The following SEMA6D variants were observed in gnomAD, a reference collection of about 807,000 sequenced individuals.
The protein encoded by SEMA6D is semaphorin-6D.
A neutral mutation model predicts 106.6 loss-of-function variants in SEMA6D; 35 were observed. The ratio of observed to expected loss-of-function variants is 0.33; its 90% CI spans 0.25 to 0.44. SEMA6D has a LOEUF of 0.44. Among genes scored for constraint, SEMA6D ranks in the 20% least tolerant of loss-of-function variants. The probability of loss-of-function intolerance (pLI) is 1.00; values close to 1 mark genes in which losing one functional copy is unlikely to be tolerated. For missense variants in SEMA6D, 1,185 were observed against 1,345.9 expected, an observed-to-expected ratio of 0.88 and a Z score of 1.87; for synonymous variants, 499 against 487.7, an observed-to-expected ratio of 1.02 and a Z score of -0.31.
At position 47,772,626 on chromosome 15, in the gene SEMA6D, A is replaced by G. The variant is rs1467952108; in HGVS notation, c.*841A>G. 6.6e-6 allele frequency: 1 copy of G among 152,564 alleles called. No individual in the cohort carries two copies. Among genetic ancestry groups the G allele is most frequent in the Non-Finnish European group, 1.5e-5 (1 of 68,022 alleles). The allele number at this position is 152,564 out of a possible 1,614,324, so 9.5% of individuals were successfully genotyped here. ...TGCAAGTGATTTTGTGCTGCTATTC[A>G]TTAAAACTTGTATTCCAGTCTTGCC... On this transcript the variant is annotated 3_prime_UTR_variant, in exon 19 of 19. Coordinates refer to ENST00000536845, the MANE Select transcript of SEMA6D (RefSeq NM_001358351.3).
chr15:47,749,401 G>C (rs2081312610), intron 1 of SEMA6D, among the ~76,000 whole-genome samples: 1 of 152,104 alleles, frequency 6.6e-6, no homozygotes, highest in Admixed American at 6.6e-5. Flanking sequence ...ACTCTTGTCA[G>C]GCGCAAGGGG....
At chr15:47,409,425 T>C (rs2040707756) in intron 1 of SEMA6D, among the ~76,000 whole-genome samples, 1 of 152,196 alleles carries the variant, frequency 6.6e-6, no homozygotes, top group Admixed American at 6.5e-5. Flanking sequence ...AGTTGGAAAT[T>C]CTGGGTTCCA....
intron 2 of SEMA6D, among the ~76,000 whole-genome samples, chr15:47,428,779 T>C (rs1458239566): frequency 6.7e-6 from 1 of 150,342 alleles, no homozygotes; most frequent in Non-Finnish European, 1.5e-5. Flanking sequence ...AAAAAAAAAG[T>C]GGGTAAGATG....
chr15:47,595,484 T>C (rs534518957), intron 3 of SEMA6D, among the ~76,000 whole-genome samples: 1 of 151,898 alleles, frequency 6.6e-6, no homozygotes, highest in South Asian at 2.1e-4. Flanking sequence ...ACTAGTACTC[T>C]TGTTGTTGTT....
intron 3 of SEMA6D, among the ~76,000 whole-genome samples, chr15:47,545,978 G>A (rs913222112): frequency 4.6e-5 from 7 of 152,002 alleles, no homozygotes; most frequent in Admixed American, 1.3e-4. Flanking sequence ...AAAAGCATAG[G>A]GACATGAGAT....
chr15:47,739,663 T>G (rs1053100494), intron 1 of SEMA6D, among the ~76,000 whole-genome samples: 1 of 152,222 alleles, frequency 6.6e-6, no homozygotes, highest in Non-Finnish European at 1.5e-5. Flanking sequence ...GTGGTTGATT[T>G]AGGTGTCTCT....
Position 47,338,355 on chromosome 15 carries a change from C to G in SEMA6D, c.-238-74038C>G, listed in dbSNP as rs370554408. 2.0e-5 allele frequency among the ~76,000 whole-genome samples: 3 copies of G among 152,122 alleles called. No individual in the cohort carries two copies. The East Asian group carries it at 5.8e-4, about 29-fold the overall frequency. On this transcript the variant is annotated intron_variant, in intron 1 of 19. Transcript: ENST00000558014. The stretch of plus-strand genomic sequence containing the variant: ...CTGAAAGAGTGAAGTTATATGTTTG[C>G]TGAGACCACTTCTGTTTTTGGATGC...
Position 47,394,356 on chromosome 15 carries a change from G to A in SEMA6D, c.-238-18037G>A, listed in dbSNP as rs539982494. On this transcript the variant is annotated intron_variant, in intron 1 of 19. Coordinates refer to the SEMA6D transcript ENST00000558014. Reference sequence around the variant, plus strand: ...GAGCTGGGGACATTCAAACACTTGAGCAGTTTACAATGGTCTTTTCTCAAT... The same window carrying A: ...GAGCTGGGGACATTCAAACACTTGAACAGTTTACAATGGTCTTTTCTCAAT... 2.6e-5 allele frequency among the ~76,000 whole-genome samples: 4 copies of A among 152,300 alleles called. No homozygotes were observed. The East Asian group carries it at 5.8e-4, about 22-fold the overall frequency.
chr15:47,519,437 T>G (rs1767461075), intron 3 of SEMA6D, among the ~76,000 whole-genome samples: 1 of 152,202 alleles, frequency 6.6e-6, no homozygotes, highest in Non-Finnish European at 1.5e-5. Context: ...AGCATTACTG[T>G]AATTGTTTAT....
intron 1 of SEMA6D, among the ~76,000 whole-genome samples, chr15:47,401,445 A>G (rs1050630814): frequency 1.3e-5 from 2 of 152,198 alleles, no homozygotes; most frequent in South Asian, 2.1e-4. Context: ...AAAATTATCT[A>G]CAATAATAAA....
chr15:47,668,096 A>G (rs1274030632), intron 4 of SEMA6D, among the ~76,000 whole-genome samples: 2 of 152,244 alleles, frequency 1.3e-5, no homozygotes, highest in Non-Finnish European at 2.9e-5. Context: ...TGGAAAAATG[A>G]ATGCCTTAGA....
intron 1 of SEMA6D, among the ~76,000 whole-genome samples, chr15:47,377,488 A>G (rs781025397): frequency 2.0e-5 from 3 of 152,232 alleles, no homozygotes; most frequent in Non-Finnish European, 2.9e-5. Context: ...GGAGACACGT[A>G]TCAGAGCCCA....
At chr15:47,336,273 A>G (rs1425514201) in intron 1 of SEMA6D, among the ~76,000 whole-genome samples, 1 of 152,146 alleles carries the variant, frequency 6.6e-6, no homozygotes, top group Non-Finnish European at 1.5e-5. Context: ...TCCCCTACCT[A>G]ACACTGTAAA....
intron 2 of SEMA6D, among the ~76,000 whole-genome samples, chr15:47,420,854 G>A (rs1299491438): frequency 2.0e-5 from 3 of 151,984 alleles, no homozygotes; most frequent in African/African-American, 7.2e-5. Context: ...GTGACCTTAG[G>A]GGCAGCTATT....
intron 4 of SEMA6D, among the ~76,000 whole-genome samples, chr15:47,628,717 A>G (rs980803726): frequency 1.3e-5 from 2 of 152,112 alleles, no homozygotes; most frequent in Non-Finnish European, 2.9e-5. Context: ...CATCCTCTGT[A>G]CAAGGTCTTT....
chr15:47,729,859 G>T (rs945313402), intron 1 of SEMA6D, among the ~76,000 whole-genome samples: 1 of 152,200 alleles, frequency 6.6e-6, no homozygotes, highest in African/African-American at 2.4e-5. Context: ...TTCGAAAAAG[G>T]AGCTGAGAGT....
At chr15:47,335,137 C>T (rs1285713792) in intron 1 of SEMA6D, among the ~76,000 whole-genome samples, 1 of 151,916 alleles carries the variant, frequency 6.6e-6, no homozygotes, top group Non-Finnish European at 1.5e-5. Context: ...AGGGCAAAAC[C>T]AAGAAACTAT....
chr15:47,551,137 C>T (rs1210051595), intron 3 of SEMA6D, among the ~76,000 whole-genome samples: 3 of 152,152 alleles, frequency 2.0e-5, no homozygotes, highest in Non-Finnish European at 2.9e-5. Context: ...AAACTTATTT[C>T]TGTCTTGGGC....
At chr15:47,401,888 T>A (rs1031894041) in intron 1 of SEMA6D, among the ~76,000 whole-genome samples, 3 of 152,216 alleles carry the variant, frequency 2.0e-5, no homozygotes, top group African/African-American at 4.8e-5. Context: ...TTTTCCTTTC[T>A]AAAATATTGT....
Sources: allele counts gnomAD v4.1 joint callset (sites outside exome capture counted in the v4.1 genomes callset), GRCh38; gene constraint gnomAD v4.1.1; transcripts MANE v1.5; gene names NCBI Gene and HGNC (gene_info 2026-07-23, HGNC 2026-07-21).